SLCO1A2: variants seen among roughly 807,000 people sequenced by gnomAD.
SLCO1A2 encodes OATP-1.
A neutral mutation model predicts 69.0 loss-of-function variants in SLCO1A2; 67 were observed. The ratio of observed to expected loss-of-function variants is 0.97; its 90% CI spans 0.80 to 1.19. The LOEUF is 1.19. Among genes scored for constraint, SLCO1A2 ranks in the 50% most tolerant of loss-of-function variants. The pLI, the probability that SLCO1A2 is intolerant of heterozygous loss-of-function variation, is 0.00. For synonymous variants in SLCO1A2, 260 were observed against 265.9 expected, an observed-to-expected ratio of 0.98 and a Z score of 0.22; for missense variants, 787 against 793.7, an observed-to-expected ratio of 0.99 and a Z score of 0.10.
At chr12:21,329,595 T>C (rs1463741482) in intron 2 of SLCO1A2, among the ~76,000 whole-genome samples, 1 of 152,032 alleles carries the variant, frequency 6.6e-6, no homozygotes, top group Non-Finnish European at 1.5e-5. Context: ...ATGAATTTTA[T>C]CTTTTGTAAT....
chr12:21,333,365 G>A (rs4148983), intron 2 of SLCO1A2, among the ~76,000 whole-genome samples: 55,630 of 151,818 alleles, frequency 0.37, 10,883 homozygotes, highest in African/African-American at 0.5. Flanking sequence ...TTATAAAGCT[G>A]GTCCTACTAG....
chr12:21,338,409 A>G (rs1952959234), upstream of SLCO1A2, among the ~76,000 whole-genome samples: 1 of 151,810 alleles, frequency 6.6e-6, no homozygotes, highest in South Asian at 2.1e-4. Context: ...CCTGGCCTTC[A>G]GTCAGTAAAA....
At chr12:21,378,798 C>T in intron 1 of SLCO1A2, 1 of 187,490 alleles carries the variant, frequency 5.3e-6, no homozygotes, top group Non-Finnish European at 1.1e-5. Context: ...GTAATTGGAC[C>T]AGGCGCGGTG....
chr12:21,293,928 C>G lies in SLCO1A2; in HGVS notation c.1437+17G>C. On this transcript the variant is annotated intron_variant, in intron 11 of 14. Coordinates refer to ENST00000683939, the MANE Select transcript of SLCO1A2 (RefSeq NM_001386879.1). ...CCAATGCAACTCAAAAAAGTTCTGT[C>G]AAATAGGATGTCTTACCATGTTTAT... is the stretch of plus-strand genomic sequence containing the variant. The G allele has an allele frequency of 6.3e-7, 1 of 1,591,168 alleles. No individual in the cohort carries two copies. The highest frequency in any genetic ancestry group is 2.3e-5 in the East Asian group (1 of 43,704).
intron 10 of SLCO1A2, chr12:21,294,816 A>G (rs1390871014): frequency 1.3e-5 from 2 of 152,214 alleles, no homozygotes; most frequent in African/African-American, 4.8e-5. Context: ...TAATCTGTAA[A>G]GTGGAGATAA....
At chr12:21,270,213 A>G (rs574227812) in intron 14 of SLCO1A2, among the ~76,000 whole-genome samples, 5 of 151,952 alleles carry the variant, frequency 3.3e-5, no homozygotes, top group African/African-American at 1.2e-4. Context: ...GAGCTTGCTC[A>G]AAGTTTTAAT....
At chr12:21,402,234 GT>G (rs1346509158) in intron 1 of SLCO1A2, among the ~76,000 whole-genome samples, 1 of 151,254 alleles carries the variant, frequency 6.6e-6, no homozygotes, top group East Asian at 1.9e-4. Context: ...CCATAAATAA[GT>G]TTTTAAAAAA....
intron 2 of SLCO1A2, among the ~76,000 whole-genome samples, chr12:21,356,519 G>T (rs945865741): frequency 7.1e-6 from 1 of 140,518 alleles, no homozygotes. Context: ...AAGGAGAGAG[G>T]TAAGAAAAAA....
intron 12 of SLCO1A2, among the ~76,000 whole-genome samples, chr12:21,290,526 G>A (rs1314940015): frequency 6.6e-6 from 1 of 152,116 alleles, no homozygotes; most frequent in Non-Finnish European, 1.5e-5. Context: ...AAAAACTTGA[G>A]ATGGTGGCAC....
intron 2 of SLCO1A2, among the ~76,000 whole-genome samples, chr12:21,370,134 T>C (rs1437861741): frequency 6.6e-6 from 1 of 152,302 alleles, no homozygotes; most frequent in South Asian, 2.1e-4. Flanking sequence ...TAAGAATTTG[T>C]CTTTCATTCT....
At chr12:21,329,331 CT>C (rs2136930175) in intron 2 of SLCO1A2, among the ~76,000 whole-genome samples, 1 of 152,178 alleles carries the variant, frequency 6.6e-6, no homozygotes, top group Admixed American at 6.5e-5. Context: ...TCAGAGGTAA[CT>C]TTTGTTGCTC....
In SLCO1A2 at chr12:21,353,749, G is replaced by A. The variant is rs149241348; in HGVS notation, c.-62-19040C>T. ...GGATACTGCTTCAGGTGATGAAAGGGACATTGCTGACAAGTCAGTAGAGAG... is the reference window on the plus strand; with the variant it reads ...GGATACTGCTTCAGGTGATGAAAGGAACATTGCTGACAAGTCAGTAGAGAG... On this transcript the variant is annotated intron_variant, in intron 2 of 15. Transcript: ENST00000307378. Among the ~76,000 whole-genome samples the A allele has an allele frequency of 5.5e-4, 84 of 152,302 alleles. 1 individual carries two copies. The East Asian group carries it at 0.014, about 26-fold the overall frequency.
intron 1 of SLCO1A2, among the ~76,000 whole-genome samples, chr12:21,412,005 A>G (rs1166416085): frequency 1.3e-5 from 2 of 152,142 alleles, no homozygotes; most frequent in Non-Finnish European, 2.9e-5. Context: ...AACATGATAT[A>G]TCTATTTAGG....
intron 12 of SLCO1A2, among the ~76,000 whole-genome samples, chr12:21,280,325 T>C (rs1944557389): frequency 6.6e-6 from 1 of 152,018 alleles, no homozygotes; most frequent in Non-Finnish European, 1.5e-5. Flanking sequence ...CAATAATCTG[T>C]TGTCTACTAG....
chr12:21,343,683 C>G (rs763081325), intron 2 of SLCO1A2, among the ~76,000 whole-genome samples: 20 of 152,016 alleles, frequency 1.3e-4, no homozygotes, highest in Non-Finnish European at 2.8e-4. Context: ...ATCAGCTAAC[C>G]AAAGAACATT....
intron 2 of SLCO1A2, among the ~76,000 whole-genome samples, chr12:21,353,756 C>G (rs1396788163): frequency 2.6e-5 from 4 of 152,166 alleles, no homozygotes; most frequent in Non-Finnish European, 5.9e-5. Flanking sequence ...AGGGACATTG[C>G]TGACAAGTCA....
At chr12:21,316,512 G>T (rs1183647594) in intron 3 of SLCO1A2, among the ~76,000 whole-genome samples, 1 of 149,700 alleles carries the variant, frequency 6.7e-6, no homozygotes, top group Non-Finnish European at 1.5e-5. Flanking sequence ...CTTCATCCTT[G>T]TCTAACTGGA....
intron 1 of SLCO1A2, among the ~76,000 whole-genome samples, chr12:21,376,168 G>A (rs768067550): frequency 6.6e-6 from 1 of 151,818 alleles, no homozygotes; most frequent in African/African-American, 2.4e-5. Flanking sequence ...TTATATTATT[G>A]ACCTTCCAAC....
At position 21,283,253 on chromosome 12, in the gene SLCO1A2, G is replaced by GA. The variant is rs1313241697; in HGVS notation, c.1611-7830dup. 1.1e-4 allele frequency among the ~76,000 whole-genome samples: 16 copies of GA among 151,898 alleles called. No individual in the cohort carries two copies. In the East Asian group the frequency reaches 2.3e-3, roughly 22 times the overall value. ...CCAATGGAGCAGAATAGAGAACTCT[G>GA]AAAAAAAATCCATTCATCTATGGTG... On this transcript the variant is annotated intron_variant, in intron 12 of 14. Transcript: ENST00000683939.
Sources: allele counts gnomAD v4.1 joint callset (sites outside exome capture counted in the v4.1 genomes callset), GRCh38; gene constraint gnomAD v4.1.1; transcripts MANE v1.5; gene names NCBI Gene and HGNC (gene_info 2026-07-23, HGNC 2026-07-21).